The following PDZD7 variants were observed in gnomAD, a reference collection of about 807,000 sequenced individuals.
PDZD7 encodes the protein PDZ domain containing 7.
A neutral mutation model predicts 84.7 loss-of-function variants in PDZD7; 72 were observed. The ratio of observed to expected loss-of-function variants is 0.85; its 90% CI spans 0.70 to 1.03. The LOEUF is 1.03. Among genes scored for constraint, PDZD7 ranks in the 50% least tolerant of loss-of-function variants. The pLI is 0.00. For missense variants in PDZD7, 1,490 were observed against 1,412.9 expected, an observed-to-expected ratio of 1.05 and a Z score of -0.87; for synonymous variants, 594 against 580.7, an observed-to-expected ratio of 1.02 and a Z score of -0.33.
chr10:101,010,859 A>G lies in PDZD7; in HGVS notation c.2030T>C (p.Leu677Pro). The G allele has an allele frequency of 6.5e-7, 1 of 1,534,286 alleles. No individual in the cohort carries two copies. The highest frequency in any genetic ancestry group is 1.2e-5 in the South Asian group (1 of 84,004). ...CTCTTCCGGGAAGCCGTTCACCGGCAGCAGGTAGAAGCCTCCGCGGCTGTC... is the reference window on the plus strand; with the variant it reads ...CTCTTCCGGGAAGCCGTTCACCGGCGGCAGGTAGAAGCCTCCGCGGCTGTC... ...VPDSRGGFYLLPVNGFPEEED... is the reference protein window; with the variant it reads ...VPDSRGGFYLPPVNGFPEEED... The change falls in exon 15 of 17, where the codon CTG becomes CCG. Residue 677 changes from leucine to proline, a missense_variant. Leu to Pro is a moderately conservative substitution (Grantham distance 98). Coordinates refer to ENST00000619208, the MANE Select transcript of PDZD7 (RefSeq NM_001195263.2).
rs1272762075 is a variant in PDZD7, at chr10:101,026,138, A to AT, written c.227-2071dup. On this transcript the variant is annotated intron_variant, in intron 2 of 16. Transcript: ENST00000619208. ...TAAAGGTTGAACCTGTCGGGGAAGA[A>AT]TTTTTTTTTTTTTTGAGACGGAATC... 1.7e-3 allele frequency among the ~76,000 whole-genome samples: 245 copies of AT among 145,046 alleles called. 1 individual carries two copies. Among genetic ancestry groups the AT allele is most frequent in the Middle Eastern group, 3.6e-3 (1 of 280 alleles).
At chr10:101,025,111 C>G (rs1448927969) in intron 2 of PDZD7, among the ~76,000 whole-genome samples, 15 of 152,214 alleles carry the variant, frequency 9.9e-5, no homozygotes, top group Admixed American at 9.8e-4. Flanking sequence ...ACAGAACCTG[C>G]CTGCAGTACT....
intron 11 of PDZD7, among the ~76,000 whole-genome samples, chr10:101,013,624 T>C (rs954496620): frequency 2.0e-5 from 3 of 152,226 alleles, no homozygotes; most frequent in African/African-American, 7.2e-5. Flanking sequence ...GCAGGGCTGC[T>C]GCACAGGCTG....
chr10:101,017,608 C>T, intron 9 of PDZD7: 1 of 701,092 alleles, frequency 1.4e-6, no homozygotes, highest in South Asian at 1.5e-5. Flanking sequence ...AGGGTGAAAC[C>T]CCCATCTCTA....
intron 12 of PDZD7, 39 bp downstream of exon 12, chr10:101,012,128 C>T (rs1472481960): frequency 1.3e-6 from 2 of 1,542,706 alleles, no homozygotes; most frequent in Non-Finnish European, 1.8e-6. Context: ...CCAGGGATCC[C>T]CTTCCTGCCC....
At chr10:101,016,189 C>T (rs1434081329) in intron 10 of PDZD7, among the ~76,000 whole-genome samples, 188 bp downstream of exon 10, 6 of 152,210 alleles carry the variant, frequency 3.9e-5, no homozygotes, top group Non-Finnish European at 7.3e-5. Context: ...TGTCTGCCAC[C>T]CTATCTTTCC....
chr10:101,020,683 G>T lies in PDZD7; in HGVS notation c.868-5C>A, dbSNP rs1853036900. 6.2e-7 allele frequency: 1 copy of T among 1,613,194 alleles called. No individual in the cohort carries two copies. The highest frequency in any genetic ancestry group is 1.3e-5 in the African/African-American group (1 of 75,026). ...GGCAGGATACCGGCCGGTCTCCTGG[G>T]GAGGGGATGGTGGGCATAGGAGGGA... On this transcript the variant is annotated splice_region_variant and splice_polypyrimidine_tract_variant and intron_variant, in intron 6 of 16. Transcript: ENST00000619208.
Position 101,022,373 on chromosome 10 carries a change from C to T in PDZD7, c.555G>A (p.Val185=), listed in dbSNP as rs1323479898. The T allele has an allele frequency of 6.2e-7, 1 of 1,614,038 alleles. No individual in the cohort carries two copies. The highest frequency in any genetic ancestry group is 8.5e-7 in the Non-Finnish European group (1 of 1,180,036). ...ACTTCTCCACTACCAGGCGCCGATT[C>T]ACCACATCCACCCTGGACAACAGCA... The part of the protein sequence containing the change: ...SKEKTTWVDV[V]NRRLVVEKCG... Residue 185 remains valine (V), a synonymous_variant, in exon 5 of 17, where the codon GTG becomes GTA. Transcript: ENST00000619208.
intron 11 of PDZD7, 145 bp downstream of exon 11, chr10:101,015,491 T>TGA (rs1409387487): frequency 3.9e-6 from 3 of 766,042 alleles, no homozygotes; most frequent in Non-Finnish European, 6.0e-6. Flanking sequence ...TGTGTGTGTG[T>TGA]GACAGGAGTG....
At chr10:101,025,755 G>T (rs1010679549) in intron 2 of PDZD7, among the ~76,000 whole-genome samples, 37 of 150,572 alleles carry the variant, frequency 2.5e-4, no homozygotes, top group Middle Eastern at 3.2e-3. Flanking sequence ...CACCGTGTTG[G>T]CCAGGATTGT....
rs534410310 is a variant in PDZD7, at chr10:101,030,290, G to A, written c.-71C>T. 3.7e-4 allele frequency: 508 copies of A among 1,366,386 alleles called. 5 individuals are homozygous for A. The South Asian group carries it at 5.8e-3, about 16-fold the overall frequency. 84.6% of individuals were successfully genotyped at this position (1,366,386 alleles called of 1,614,324 possible). A position where few individuals can be genotyped will look rare whatever the true frequency, so the allele number is the denominator to read the frequency against. ...CTAGCTCTGGAGAGGCCAGCCCTGCGTGCTTCGAGCTCCATGAGCCTCTGT... is the reference window on the plus strand; with the variant it reads ...CTAGCTCTGGAGAGGCCAGCCCTGCATGCTTCGAGCTCCATGAGCCTCTGT... On this transcript the variant is annotated 5_prime_UTR_variant, in exon 2 of 17. In the 5' UTR this introduces an upstream ATG that the reference lacks. Transcript: ENST00000619208.
intron 15 of PDZD7, 43 bp downstream of exon 15, chr10:101,010,229 C>A: frequency 1.3e-6 from 2 of 1,483,820 alleles, no homozygotes; most frequent in South Asian, 1.3e-5. Flanking sequence ...TAGGCCCAGG[C>A]TTCCTAGTGT....
rs111945530 is a variant in PDZD7, at chr10:101,013,851, C to CTT, written c.1750-1595_1750-1594dup. On this transcript the variant is annotated intron_variant, in intron 11 of 16. Coordinates refer to ENST00000619208, the MANE Select transcript of PDZD7 (RefSeq NM_001195263.2). Reference sequence around the variant, plus strand: ...GATCAGACAGGGGTTTCTTTTCTTTCTTTTTTTTTTTTTTTTGAGATGGAT... The same window carrying CTT: ...GATCAGACAGGGGTTTCTTTTCTTTCTTTTTTTTTTTTTTTTTTGAGATGGAT... Among the ~76,000 whole-genome samples, 1,287 of 134,650 alleles carry CTT rather than the reference C, an allele frequency of 9.6e-3. 13 individuals are homozygous for CTT. The highest frequency in any genetic ancestry group is 0.013 in the Non-Finnish European group (790 of 63,170). The allele number at this position is 134,650 out of a possible 152,430, so 88.3% of individuals were successfully genotyped here.
chr10:101,014,682 A>ACACACACG (rs1425688739), intron 11 of PDZD7, among the ~76,000 whole-genome samples: 1 of 151,384 alleles, frequency 6.6e-6, no homozygotes, highest in East Asian at 1.9e-4. Flanking sequence ...ACACACACAC[A>ACACACACG]CACACACACA....
Position 101,022,386 on chromosome 10 carries a change from C to G in PDZD7, c.543-1G>C. On this transcript the variant is annotated splice_acceptor_variant, in intron 4 of 16. Transcript: ENST00000619208. LOFTEE classifies it high-confidence loss of function. ...CAGGCGCCGATTCACCACATCCACC[C>G]TGGACAACAGCAGGGGGCCCTCAGG... 6.2e-7 allele frequency: 1 copy of G among 1,614,118 alleles called. No individual in the cohort carries two copies. The highest frequency in any genetic ancestry group is 8.5e-7 in the Non-Finnish European group (1 of 1,180,022).
chr10:101,007,716 A>G lies in PDZD7; in HGVS notation c.*751T>C, dbSNP rs1294784543. 1.0e-6 allele frequency: 1 copy of G among 968,568 alleles called. No individual in the cohort carries two copies. The highest frequency in any genetic ancestry group is 1.3e-6 in the Non-Finnish European group (1 of 794,892). 60.0% of individuals were successfully genotyped at this position (968,568 alleles called of 1,614,324 possible). ...GTCTTGTTTATTTGTGTTTGTGACC[A>G]AGCAGCCTCTCCCTTCACCCAGGTT... On this transcript the variant is annotated 3_prime_UTR_variant, in exon 17 of 17. Coordinates refer to ENST00000619208, the MANE Select transcript of PDZD7 (RefSeq NM_001195263.2).
In PDZD7 at chr10:101,010,617, G is replaced by C. The variant is rs771079550; in HGVS notation, c.2272C>G (p.Arg758Gly). ...ATCTGGCTCTGCGGAGGGTGCTCTC[G>C]GCTCAGGGGTTCTGTCAGCAGCCAG... ...PNWLLTEPLS[R>G]EHPPQSQIRG... Residue 758 changes from arginine (R) to glycine (G), a missense_variant, in exon 15 of 17, where the codon CGA becomes GGA. By Grantham distance (125) the Arg-to-Gly change is moderately radical. Coordinates refer to ENST00000619208, the MANE Select transcript of PDZD7 (RefSeq NM_001195263.2). 2.0e-6 allele frequency: 3 copies of C among 1,503,204 alleles called. No homozygotes were observed. The South Asian group carries it at 3.8e-5, about 19-fold the overall frequency. The allele number at this position is 1,503,204 out of a possible 1,614,324, so 93.1% of individuals were successfully genotyped here.
In PDZD7 at chr10:101,015,807, C is replaced by T; in HGVS notation, c.1578G>A (p.Gln526=). 3.2e-6 allele frequency: 5 copies of T among 1,548,138 alleles called. No homozygotes were observed. Among genetic ancestry groups the T allele is most frequent in the Non-Finnish European group, 3.5e-6 (4 of 1,146,158 alleles). ...KFVTWRLRRD[Q]ERGRALLSAR... ...CAGACAGCAGGGCCCGGCCCCTCTC[C>T]TGGTCTGCAGGGCAGGAACCATCAG... Residue 526 remains glutamine (Q), a synonymous_variant, in exon 11 of 17, where the codon CAG becomes CAA. Transcript: ENST00000619208.
At chr10:101,022,044 G>T (rs1034357991) in intron 5 of PDZD7, 99 bp from the exon 6 acceptor site, 94 of 1,567,450 alleles carry the variant, frequency 6.0e-5, no homozygotes, top group Non-Finnish European at 7.6e-5. Flanking sequence ...CACCAGTCAA[G>T]GTCCTTGACC....
Sources: allele counts gnomAD v4.1 joint callset (sites outside exome capture counted in the v4.1 genomes callset), GRCh38; gene constraint gnomAD v4.1.1; transcripts MANE v1.5; gene names NCBI Gene and HGNC (gene_info 2026-07-23, HGNC 2026-07-21).